The following SEMA3A variants were observed in gnomAD, a reference collection of about 807,000 sequenced individuals.
The protein encoded by SEMA3A is semaphorin 3A.
SEMA3A carries 29 observed loss-of-function variants against 97.9 expected under a neutral mutation model. The observed-to-expected ratio is 0.30, with a 90% confidence interval of 0.22 to 0.40. The LOEUF is 0.40. SEMA3A is among the 10% of genes least tolerant of loss of function. The pLI is 1.00. For missense variants in SEMA3A, 763 were observed against 951.3 expected (o/e 0.80, Z 2.60); for synonymous variants, 321 against 323.7 (o/e 0.99, Z 0.09).
intron 1 of SEMA3A, among the ~76,000 whole-genome samples, chr7:84,475,200 C>A (rs1806252456): frequency 6.6e-6 from 1 of 151,876 alleles, no homozygotes; most frequent in African/African-American, 2.4e-5. Context: ...TATACATATT[C>A]AACCTGAAAT....
rs191692802 is a variant in SEMA3A at position 84,427,473 on chromosome 7, C to T, written c.-245-55573G>A. Among the ~76,000 whole-genome samples, 283 of 151,436 alleles carry T rather than the reference C, an allele frequency of 1.9e-3. 1 individual carries two copies. Among genetic ancestry groups the T allele is most frequent in the African/African-American group, 6.7e-3 (275 of 41,308 alleles). ...ACCAGCCTGGCCAATATGGTGAAACCCTGTCTCTACTAAAATTACAAAAAT... is the reference window on the plus strand; with the variant it reads ...ACCAGCCTGGCCAATATGGTGAAACTCTGTCTCTACTAAAATTACAAAAAT... On this transcript the variant is annotated intron_variant, in intron 1 of 3. Coordinates refer to the SEMA3A transcript ENST00000424555.
intron 13 of SEMA3A, among the ~76,000 whole-genome samples, chr7:83,983,293 C>T (rs1276378715): frequency 6.6e-6 from 1 of 150,786 alleles, no homozygotes; most frequent in Non-Finnish European, 1.5e-5. Context: ...TTAAAATGAA[C>T]TTAGACACTA....
At chr7:84,470,971 A>G (rs564286579) in intron 1 of SEMA3A, among the ~76,000 whole-genome samples, 1 of 152,222 alleles carries the variant, frequency 6.6e-6, no homozygotes, top group East Asian at 1.9e-4. Context: ...GAACTCTGAG[A>G]GTAGACAGGA....
intron 1 of SEMA3A, among the ~76,000 whole-genome samples, chr7:84,152,217 A>G (rs1015117555): frequency 4.0e-5 from 6 of 151,354 alleles, no homozygotes; most frequent in Non-Finnish European, 8.8e-5. Flanking sequence ...ACAATAAATC[A>G]TGCTGCTATA....
At chr7:84,476,055 G>GT (rs1265591209) in intron 1 of SEMA3A, among the ~76,000 whole-genome samples, 1 of 152,074 alleles carries the variant, frequency 6.6e-6, no homozygotes, top group Non-Finnish European at 1.5e-5. Context: ...GATAAAGAAA[G>GT]TTGTTTAAAA....
At chr7:84,032,620 G>A (rs565173099) in intron 6 of SEMA3A, among the ~76,000 whole-genome samples, 6 of 152,100 alleles carry the variant, frequency 3.9e-5, no homozygotes, top group East Asian at 3.9e-4. Context: ...ATTAGAATTC[G>A]TGCAAAACAA....
chr7:84,103,712 C>G (rs536183536), intron 4 of SEMA3A, among the ~76,000 whole-genome samples: 2 of 151,332 alleles, frequency 1.3e-5, no homozygotes, highest in Non-Finnish European at 2.9e-5. Context: ...GTTATTTACA[C>G]AAGGAGACAA....
chr7:84,105,246 T>C (rs1795073967), intron 4 of SEMA3A, among the ~76,000 whole-genome samples: 1 of 152,092 alleles, frequency 6.6e-6, no homozygotes, highest in Non-Finnish European at 1.5e-5. Context: ...TATAATAAAT[T>C]GAAAGAAGTA....
chr7:84,400,592 A>C (rs1162889063), intron 1 of SEMA3A, among the ~76,000 whole-genome samples: 1 of 152,172 alleles, frequency 6.6e-6, no homozygotes, highest in Non-Finnish European at 1.5e-5. Flanking sequence ...TACATAGAGG[A>C]GAAAAAAGAT....
intron 3 of SEMA3A, among the ~76,000 whole-genome samples, chr7:84,127,539 T>A (rs999781958): frequency 6.6e-6 from 1 of 152,142 alleles, no homozygotes; most frequent in Non-Finnish European, 1.5e-5. Flanking sequence ...CTTTAATACG[T>A]GTCATGAATA....
chr7:84,088,408 C>A (rs1050995827), intron 4 of SEMA3A, among the ~76,000 whole-genome samples: 2 of 151,638 alleles, frequency 1.3e-5, no homozygotes, highest in African/African-American at 4.8e-5. Flanking sequence ...GAGCCAAGAT[C>A]GCACCACTGC....
At chr7:83,974,861 C>T (rs1789074229) in intron 15 of SEMA3A, among the ~76,000 whole-genome samples, 1 of 152,050 alleles carries the variant, frequency 6.6e-6, no homozygotes, top group East Asian at 1.9e-4. Context: ...TTACCCTTTC[C>T]TCTCAGATAT....
intron 1 of SEMA3A, among the ~76,000 whole-genome samples, chr7:84,162,502 C>T (rs778120316): frequency 6.6e-6 from 1 of 151,932 alleles, no homozygotes; most frequent in Non-Finnish European, 1.5e-5. Context: ...TTCATAACAA[C>T]TCTCAGGAAT....
intron 2 of SEMA3A, among the ~76,000 whole-genome samples, chr7:84,346,735 T>C (rs557983643): frequency 6.6e-6 from 1 of 152,204 alleles, no homozygotes; most frequent in East Asian, 1.9e-4. Context: ...AAAACAACTA[T>C]AATAATAGGG....
intron 2 of SEMA3A, among the ~76,000 whole-genome samples, chr7:84,354,035 A>C (rs1802497703): frequency 6.6e-6 from 1 of 151,724 alleles, no homozygotes; most frequent in Non-Finnish European, 1.5e-5. Flanking sequence ...ATGTACTGAA[A>C]AAAGAAAGAA....
chr7:84,406,873 A>G (rs890309332), intron 1 of SEMA3A, among the ~76,000 whole-genome samples: 1 of 152,210 alleles, frequency 6.6e-6, no homozygotes, highest in African/African-American at 2.4e-5. Context: ...AAAAACTCTC[A>G]ATAAATAGGT....
chr7:84,376,521 G>A (rs1472863629), intron 1 of SEMA3A, among the ~76,000 whole-genome samples: 2 of 118,776 alleles, frequency 1.7e-5, no homozygotes, highest in South Asian at 3.0e-4. Context: ...GGAGAATGGC[G>A]TGAACCCGGG....
chr7:84,221,936 T>C (rs1171803322), intron 3 of SEMA3A, among the ~76,000 whole-genome samples: 18 of 151,936 alleles, frequency 1.2e-4, no homozygotes, highest in Admixed American at 1.2e-3. Context: ...AAACCTTCAA[T>C]TTGTAAAAAA....
chr7:84,286,939 T>C (rs944582486), intron 3 of SEMA3A, among the ~76,000 whole-genome samples: 1 of 152,134 alleles, frequency 6.6e-6, no homozygotes, highest in Non-Finnish European at 1.5e-5. Flanking sequence ...AAATAAACAA[T>C]TTGTGCTGCA....
Sources: gnomAD v4.1 joint callset for allele counts (sites outside exome capture counted in the v4.1 genomes callset) on GRCh38, gnomAD v4.1.1 for gene constraint, MANE v1.5 for transcripts, NCBI Gene and HGNC (gene_info 2026-07-23, HGNC 2026-07-21) for gene names.